BICC1: variants seen among roughly 807,000 people sequenced by gnomAD.
BICC1 encodes BicC family RNA binding protein 1, also known as protein bicaudal C homolog 1.
Under a neutral mutation model 111.0 loss-of-function variants are expected in BICC1, and 43 were observed. The ratio of observed to expected loss-of-function variants is 0.39; its 90% CI spans 0.30 to 0.50. The LOEUF (loss-of-function observed/expected upper bound fraction) is 0.50. Among genes scored for constraint, BICC1 ranks in the 20% least tolerant of loss-of-function variants. BICC1 has a pLI of 0.88. For synonymous variants in BICC1, 467 were observed against 434.4 expected, an observed-to-expected ratio of 1.07 and a Z score of -0.93; for missense variants, 1,091 against 1,203.2, an observed-to-expected ratio of 0.91 and a Z score of 1.38.
At chr10:58,531,695 T>A (rs1842686431) in intron 1 of BICC1, among the ~76,000 whole-genome samples, 1 of 151,306 alleles carries the variant, frequency 6.6e-6, no homozygotes, top group African/African-American at 2.4e-5. Context: ...AATGAGAATA[T>A]CAATTAAGAG....
chr10:58,537,184 G>A (rs954237504), intron 1 of BICC1, among the ~76,000 whole-genome samples: 7 of 151,738 alleles, frequency 4.6e-5, no homozygotes, highest in Non-Finnish European at 1.0e-4. Flanking sequence ...CCACAAGATT[G>A]AGAAGGAGGG....
chr10:58,709,412 T>C (rs1451680497), intron 3 of BICC1, among the ~76,000 whole-genome samples: 1 of 152,208 alleles, frequency 6.6e-6, no homozygotes, highest in Non-Finnish European at 1.5e-5. Context: ...TGTGCACAAA[T>C]ATATTAGTAG....
At chr10:58,713,536 G>C (rs1840643489) in intron 3 of BICC1, among the ~76,000 whole-genome samples, 1 of 152,132 alleles carries the variant, frequency 6.6e-6, no homozygotes, top group African/African-American at 2.4e-5. Flanking sequence ...TTTGTTGAAG[G>C]CCAGTGAATT....
chr10:58,820,929 T>A (rs1254931963), intron 20 of BICC1, among the ~76,000 whole-genome samples: 1 of 152,132 alleles, frequency 6.6e-6, no homozygotes, highest in African/African-American at 2.4e-5. Context: ...TTGTCTTAAT[T>A]CTTCTTAGTC....
chr10:58,553,353 G>A (rs1234797506), intron 1 of BICC1, among the ~76,000 whole-genome samples: 3 of 152,168 alleles, frequency 2.0e-5, no homozygotes, highest in Non-Finnish European at 2.9e-5. Context: ...GGAATTCAAT[G>A]TGAGAGCAAC....
At chr10:58,631,495 CT>C (rs537407852) in intron 2 of BICC1, among the ~76,000 whole-genome samples, 38 of 148,310 alleles carry the variant, frequency 2.6e-4, no homozygotes, top group Admixed American at 1.5e-3. Context: ...TTTCTTCTTT[CT>C]TTTTTTTTGT....
chr10:58,684,986 T>C (rs1014118412), intron 2 of BICC1, among the ~76,000 whole-genome samples: 1 of 152,246 alleles, frequency 6.6e-6, no homozygotes, highest in Non-Finnish European at 1.5e-5. Context: ...AGATCTTTCC[T>C]GCTTTCTCTT....
At chr10:58,820,866 T>A (rs554252632) in intron 20 of BICC1, among the ~76,000 whole-genome samples, 4 of 152,284 alleles carry the variant, frequency 2.6e-5, no homozygotes, top group African/African-American at 9.6e-5. Flanking sequence ...GCACACCGAC[T>A]GAGTTCATTG....
chr10:58,540,743 T>C (rs559600374), intron 1 of BICC1, among the ~76,000 whole-genome samples: 5 of 152,094 alleles, frequency 3.3e-5, no homozygotes, highest in Non-Finnish European at 7.4e-5. Context: ...AGGAAACGCT[T>C]GCAAACTCAT....
chr10:58,621,581 G>A (rs1845809067), intron 2 of BICC1, among the ~76,000 whole-genome samples: 1 of 152,070 alleles, frequency 6.6e-6, no homozygotes. Context: ...GAGAGGCCGA[G>A]GCTATCAGAT....
intron 3 of BICC1, among the ~76,000 whole-genome samples, chr10:58,742,212 T>C (rs1048744288): frequency 6.6e-6 from 1 of 152,142 alleles, no homozygotes; most frequent in Admixed American, 6.6e-5. Context: ...TCATGTTTCA[T>C]TTTACTTGTG....
chr10:58,688,105 G>A (rs1839798650), intron 2 of BICC1, among the ~76,000 whole-genome samples: 1 of 152,104 alleles, frequency 6.6e-6, no homozygotes, highest in Admixed American at 6.5e-5. Flanking sequence ...GAGTGTTACA[G>A]CTCTTAAAGT....
rs557402554 is a variant in BICC1 at position 58,524,777 on chromosome 10, C to G, written c.190+11444C>G. 1.6e-3 allele frequency among the ~76,000 whole-genome samples: 239 copies of G among 152,194 alleles called. 3 individuals carry two copies. The South Asian group carries it at 0.039, about 25-fold the overall frequency. On this transcript the variant is annotated intron_variant, in intron 1 of 20. Coordinates refer to ENST00000373886, the MANE Select transcript of BICC1 (RefSeq NM_001080512.3). ...ACTACCATCAGAGTGAACAGGCAAC[C>G]TACAGAATGGGAAAAAATTTTTGCA... is the stretch of plus-strand genomic sequence containing the variant.
intron 3 of BICC1, among the ~76,000 whole-genome samples, chr10:58,778,127 C>T (rs545095899): frequency 6.6e-6 from 1 of 152,058 alleles, no homozygotes; most frequent in African/African-American, 2.4e-5. Context: ...GTGGGAGGAT[C>T]GCTTGAGTCT....
intron 2 of BICC1, among the ~76,000 whole-genome samples, chr10:58,647,736 T>C (rs954518775): frequency 1.1e-4 from 16 of 152,012 alleles, no homozygotes; most frequent in South Asian, 2.1e-4. Context: ...CCCTGCACCA[T>C]TGCAAGAATG....
At chr10:58,795,536 G>T (rs1843325381) in intron 9 of BICC1, among the ~76,000 whole-genome samples, 1 of 152,108 alleles carries the variant, frequency 6.6e-6, no homozygotes, top group Non-Finnish European at 1.5e-5. Flanking sequence ...GCAGAAGTCA[G>T]GGAAAAATAG....
intron 1 of BICC1, among the ~76,000 whole-genome samples, chr10:58,615,938 T>C (rs964922762): frequency 6.6e-6 from 1 of 152,110 alleles, no homozygotes; most frequent in Non-Finnish European, 1.5e-5. Flanking sequence ...ATAGGCATTT[T>C]TGAATGCACT....
At chr10:58,817,772 G>T in intron 19 of BICC1, 50 bp downstream of exon 19, 1 of 1,532,146 alleles carries the variant, frequency 6.5e-7, no homozygotes, top group African/African-American at 1.4e-5. Flanking sequence ...TTGTGTGTAT[G>T]ATGACTTCTA....
At chr10:58,644,563 A>G (rs1418620303) in intron 2 of BICC1, among the ~76,000 whole-genome samples, 1 of 152,186 alleles carries the variant, frequency 6.6e-6, no homozygotes, top group African/African-American at 2.4e-5. Flanking sequence ...TGGCAATTCC[A>G]CAGCTGGCTC....
Sources: gnomAD v4.1 joint callset for allele counts (sites outside exome capture counted in the v4.1 genomes callset) on GRCh38, gnomAD v4.1.1 for gene constraint, MANE v1.5 for transcripts, NCBI Gene and HGNC (gene_info 2026-07-23, HGNC 2026-07-21) for gene names.